HMGA2: variants seen among roughly 807,000 people sequenced by gnomAD.
The protein encoded by HMGA2 is high mobility group AT-hook 2.
Under a neutral mutation model 19.1 loss-of-function variants are expected in HMGA2, and 8 were observed. The observed-to-expected ratio is 0.42, with a 90% CI of 0.25 to 0.76. HMGA2 has a LOEUF of 0.76. Ranked by LOEUF, HMGA2 falls within the 30% of genes least tolerant of loss-of-function variation. The probability of loss-of-function intolerance (pLI) is 0.28; values close to 1 mark genes in which losing one functional copy is unlikely to be tolerated. For missense variants in HMGA2, 109 were observed against 136.3 expected (o/e 0.80, Z 1.00); for synonymous variants, 60 against 48.8 (o/e 1.23, Z -0.96).
intron 3 of HMGA2, among the ~76,000 whole-genome samples, chr12:65,875,589 ATT>A (rs71096056): frequency 6.5e-4 from 17 of 26,102 alleles, no homozygotes; most frequent in African/African-American, 1.7e-3. Flanking sequence ...GTGCCCGGCT[ATT>A]TTTTTTTTTT....
At chr12:65,914,154 A>T (rs1266738459) in intron 3 of HMGA2, among the ~76,000 whole-genome samples, 3 of 152,064 alleles carry the variant, frequency 2.0e-5, no homozygotes, top group Non-Finnish European at 2.9e-5. Context: ...TATATACCCA[A>T]ATGACTATGA....
rs1870327775 is a variant in HMGA2 at position 65,828,460 on chromosome 12, T to G, written c.198+373T>G. 4 of 230,004 alleles carry G rather than the reference T, an allele frequency of 1.7e-5. No individual in the cohort carries two copies. The Admixed American group carries it at 2.1e-4, about 12-fold the overall frequency. 14.2% of individuals were successfully genotyped at this position (230,004 alleles called of 1,614,324 possible). The stretch of plus-strand genomic sequence containing the variant: ...AATCAAAACTATAGATTTTGCCTGG[T>G]GGTAAAGTTTTTGCAATTTCCTCTG... On this transcript the variant is annotated intron_variant, in intron 2 of 4. Coordinates refer to ENST00000403681, the MANE Select transcript of HMGA2 (RefSeq NM_003483.6).
chr12:65,845,458 G>A (rs937827822), intron 3 of HMGA2, among the ~76,000 whole-genome samples: 2 of 152,112 alleles, frequency 1.3e-5, no homozygotes, highest in East Asian at 1.9e-4. Flanking sequence ...TAGTAGAGAC[G>A]CAGTTTCGCC....
At chr12:65,906,077 T>A (rs932201292) in intron 3 of HMGA2, among the ~76,000 whole-genome samples, 10 of 152,356 alleles carry the variant, frequency 6.6e-5, no homozygotes, top group African/African-American at 2.4e-4. Context: ...GCTGATGCTA[T>A]GAATACCAAT....
In HMGA2 at chr12:65,965,176, T is replaced by A. The variant is rs1876872663; in HGVS notation, c.*1884T>A. ...TCAAAGAAACTTGAAGCTTTGTAGGTGAGATGCAACAAGCCCTGCTTTTGC... is the reference window on the plus strand; with the variant it reads ...TCAAAGAAACTTGAAGCTTTGTAGGAGAGATGCAACAAGCCCTGCTTTTGC... On this transcript the variant is annotated 3_prime_UTR_variant, in exon 5 of 5. Transcript: ENST00000403681. The A allele has an allele frequency of 1.0e-5, 2 of 199,200 alleles. No homozygotes were observed. Among genetic ancestry groups the A allele is most frequent in the Non-Finnish European group, 2.1e-5 (2 of 96,162 alleles). The allele number at this position is 199,200 out of a possible 1,614,324, so 12.3% of individuals were successfully genotyped here.
intron 3 of HMGA2, among the ~76,000 whole-genome samples, chr12:65,940,098 G>T (rs1169195466): frequency 6.6e-6 from 1 of 151,712 alleles, no homozygotes; most frequent in East Asian, 1.9e-4. Context: ...ATTATAGCAG[G>T]TGATAAACAA....
At chr12:65,938,315 A>G (rs1450836114) in intron 3 of HMGA2, among the ~76,000 whole-genome samples, 1 of 152,198 alleles carries the variant, frequency 6.6e-6, no homozygotes, top group Non-Finnish European at 1.5e-5. Context: ...AGTAAATAAT[A>G]TCCTTATTAT....
chr12:65,931,036 A>G (rs1013834263), intron 3 of HMGA2, among the ~76,000 whole-genome samples: 2 of 152,236 alleles, frequency 1.3e-5, no homozygotes, highest in Admixed American at 6.5e-5. Flanking sequence ...CAGTCATACA[A>G]AGAGTTAAAT....
chr12:65,887,960 T>C (rs1282955381), intron 3 of HMGA2, among the ~76,000 whole-genome samples: 1 of 151,982 alleles, frequency 6.6e-6, no homozygotes, highest in Non-Finnish European at 1.5e-5. Context: ...AAGGCATTAA[T>C]GTGTCTTTTA....
At chr12:65,875,582 C>T (rs1872951159) in intron 3 of HMGA2, among the ~76,000 whole-genome samples, 1 of 57,984 alleles carries the variant, frequency 1.7e-5, no homozygotes, top group East Asian at 4.1e-4. Context: ...TGCCACCGTG[C>T]CCGGCTATTT....
rs1565697475 is a variant in HMGA2, at chr12:65,824,723, C to CTCTCTCTCTCTCTG, written c.-535_-534insGTCTCTCTCTCTCT. ...TTCAATCTCAATCTCTTCTCTCTCTCTCTCTCTCTCTCTCTCTCTCTCTCT... is the reference window on the plus strand; with the variant it reads ...TTCAATCTCAATCTCTTCTCTCTCTCTCTCTCTCTCTCTGTCTCTCTCTCTCTCTCTCTCTCTCT... On this transcript the variant is annotated 5_prime_UTR_variant, in exon 1 of 5. Coordinates refer to ENST00000403681, the MANE Select transcript of HMGA2 (RefSeq NM_003483.6). The CTCTCTCTCTCTCTG allele has an allele frequency of 9.8e-4, 126 of 128,114 alleles. 2 individuals are homozygous for CTCTCTCTCTCTCTG. The highest frequency in any genetic ancestry group is 4.6e-3 in the African/African-American group (120 of 26,210). 7.9% of individuals were successfully genotyped at this position (128,114 alleles called of 1,614,324 possible). A position where few individuals can be genotyped will look rare whatever the true frequency, so the allele number is the denominator to read the frequency against.
chr12:65,829,127 G>A (rs1296995070), intron 2 of HMGA2: 3 of 152,106 alleles, frequency 2.0e-5, no homozygotes, highest in African/African-American at 7.2e-5. Context: ...GGGGATTAAT[G>A]TTTTGTGTGA....
chr12:65,826,728 C>G (rs959430658), intron 1 of HMGA2: 3 of 151,626 alleles, frequency 2.0e-5, no homozygotes, highest in African/African-American at 7.3e-5. Flanking sequence ...CTGCCCTCCC[C>G]CACTTGTTTC....
intron 3 of HMGA2, among the ~76,000 whole-genome samples, chr12:65,917,796 C>T (rs962961050): frequency 6.6e-6 from 1 of 152,162 alleles, no homozygotes; most frequent in African/African-American, 2.4e-5. Context: ...CTTTGACATT[C>T]ATCTTGTGTC....
chr12:65,875,778 C>T (rs770639984), intron 3 of HMGA2, among the ~76,000 whole-genome samples: 4 of 151,686 alleles, frequency 2.6e-5, no homozygotes, highest in African/African-American at 7.3e-5. Flanking sequence ...AGTAGGCCTA[C>T]GTATGCCATT....
chr12:65,880,104 G>A (rs936228108), intron 3 of HMGA2, among the ~76,000 whole-genome samples: 5 of 152,222 alleles, frequency 3.3e-5, no homozygotes, highest in African/African-American at 9.7e-5. Context: ...ACGATGGGAG[G>A]TGCCACTTGC....
intron 3 of HMGA2, among the ~76,000 whole-genome samples, chr12:65,895,270 A>G (rs1346914925): frequency 4.6e-5 from 7 of 152,200 alleles, no homozygotes; most frequent in Non-Finnish European, 8.8e-5. Context: ...AACAAGATTT[A>G]TGAGGAAAGG....
At chr12:65,923,707 C>A (rs113006890) in intron 3 of HMGA2, among the ~76,000 whole-genome samples, 4,593 of 152,258 alleles carry the variant, frequency 0.03, 96 homozygotes, top group Admixed American at 0.044. Flanking sequence ...CAGACTTTAT[C>A]ACCCGTAAGA....
In HMGA2 at chr12:65,964,288, CAAAA is replaced by C; in HGVS notation, c.*1005_*1008del. The C allele has an allele frequency of 6.4e-6, 1 of 156,270 alleles. No individual in the cohort carries two copies. The highest frequency in any genetic ancestry group is 1.3e-5 in the Non-Finnish European group (1 of 77,682). 9.7% of individuals were successfully genotyped at this position (156,270 alleles called of 1,614,324 possible). A position where few individuals can be genotyped will look rare whatever the true frequency, so the allele number is the denominator to read the frequency against. ...TATAGTTATACATCAATTTAAAAAG[CAAAA>C]AAAAAAAAGGGGGGGGCAATCTCTC... On this transcript the variant is annotated 3_prime_UTR_variant, in exon 5 of 5. Transcript: ENST00000403681.
Sources: allele counts gnomAD v4.1 joint callset (sites outside exome capture counted in the v4.1 genomes callset), GRCh38; gene constraint gnomAD v4.1.1; transcripts MANE v1.5; gene names NCBI Gene and HGNC (gene_info 2026-07-23, HGNC 2026-07-21).